The following DCAF17 variants were observed in gnomAD, a reference collection of about 807,000 sequenced individuals.
The protein encoded by DCAF17 is DDB1- and CUL4-associated factor 17.
DCAF17 carries 48 observed loss-of-function variants against 66.0 expected under a neutral mutation model. The observed-to-expected ratio is 0.73, with a 90% CI of 0.58 to 0.92. DCAF17 has a LOEUF of 0.92. Ranked by LOEUF, DCAF17 falls within the 40% of genes least tolerant of loss-of-function variation. The pLI, the probability that DCAF17 is intolerant of heterozygous loss-of-function variation, is 0.00. For synonymous variants in DCAF17, 206 were observed against 214.6 expected (o/e 0.96, Z 0.35); for missense variants, 562 against 622.8 (o/e 0.90, Z 1.04).
intron 2 of DCAF17, among the ~76,000 whole-genome samples, chr2:171,435,635 C>G (rs1248775559): frequency 6.6e-6 from 1 of 151,104 alleles, no homozygotes; most frequent in Non-Finnish European, 1.5e-5. Flanking sequence ...TCATCCACAA[C>G]TGTCCAACAT....
chr2:171,470,051 T>C (rs1696151701), intron 9 of DCAF17, among the ~76,000 whole-genome samples: 1 of 152,052 alleles, frequency 6.6e-6, no homozygotes, highest in African/African-American at 2.4e-5. Context: ...AGAGACAGAG[T>C]CTCACTCTGG....
chr2:171,434,510 G>A lies in DCAF17; in HGVS notation c.-68G>A, dbSNP rs1300223007. 1.1e-5 allele frequency: 17 copies of A among 1,523,588 alleles called. No homozygotes were observed. In the East Asian group the frequency reaches 3.7e-4, roughly 33 times the overall value. The allele number at this position is 1,523,588 out of a possible 1,614,324, so 94.4% of individuals were successfully genotyped here. A position where few individuals can be genotyped will look rare whatever the true frequency, so the allele number is the denominator to read the frequency against. On this transcript the variant is annotated 5_prime_UTR_variant, in exon 1 of 14. Transcript: ENST00000375255. ...TCGAAATTCGAAGGCAGCGGCGGCT[G>A]CCCAGCACGGGAGTGTGGGGCGCGC... is the stretch of plus-strand genomic sequence containing the variant.
chr2:171,436,462 AT>A (rs1390184951), intron 2 of DCAF17, among the ~76,000 whole-genome samples: 3 of 152,170 alleles, frequency 2.0e-5, no homozygotes, highest in African/African-American at 7.2e-5. Context: ...GAGGGTTCTG[AT>A]TTTTCCACAT....
At chr2:171,456,888 A>G (rs1024845966) in intron 6 of DCAF17, among the ~76,000 whole-genome samples, 8 of 152,206 alleles carry the variant, frequency 5.3e-5, no homozygotes, top group African/African-American at 1.7e-4. Context: ...GGATTAGACA[A>G]TGGGGTTTTC....
intron 9 of DCAF17, among the ~76,000 whole-genome samples, chr2:171,470,559 A>G (rs1288378790): frequency 6.6e-6 from 1 of 152,050 alleles, no homozygotes; most frequent in African/African-American, 2.4e-5. Flanking sequence ...GGCTGCTCCT[A>G]TTTGGCCCAG....
chr2:171,453,428 G>T (rs1394709264), intron 6 of DCAF17, among the ~76,000 whole-genome samples: 2 of 151,716 alleles, frequency 1.3e-5, no homozygotes. Context: ...GGATCATATT[G>T]GATACCTGTG....
intron 4 of DCAF17, among the ~76,000 whole-genome samples, chr2:171,449,357 ATAAACT>A (rs1486203593): frequency 6.6e-6 from 1 of 152,228 alleles, no homozygotes; most frequent in Non-Finnish European, 1.5e-5. Flanking sequence ...AATAGTTTAA[ATAAACT>A]TAAAAAAAAA....
At chr2:171,473,768 G>A (rs1052351889) in intron 9 of DCAF17, 98 bp from the exon 10 acceptor site, 91 of 927,064 alleles carry the variant, frequency 9.8e-5, no homozygotes, top group Admixed American at 1.4e-4. Flanking sequence ...TTTTTCTTCC[G>A]TGTACCTTTG....
At chr2:171,467,749 A>AC (rs1311204979) in intron 8 of DCAF17, among the ~76,000 whole-genome samples, 30 of 145,292 alleles carry the variant, frequency 2.1e-4, no homozygotes, top group East Asian at 1.0e-3. Context: ...AAAAAAAAAA[A>AC]AAAAAGTTGT....
chr2:171,475,737 T>A (rs1696468119), intron 10 of DCAF17, among the ~76,000 whole-genome samples: 1 of 152,184 alleles, frequency 6.6e-6, no homozygotes, highest in Non-Finnish European at 1.5e-5. Flanking sequence ...TACTCCAGCC[T>A]GGGTAATGGA....
intron 2 of DCAF17, among the ~76,000 whole-genome samples, chr2:171,439,476 T>C (rs542277063): frequency 5.9e-5 from 9 of 151,786 alleles, no homozygotes; most frequent in East Asian, 1.9e-4. Flanking sequence ...ATTTCTCTTA[T>C]GGTGTTTTTT....
rs1397550556 is a variant in DCAF17 at position 171,443,529 on chromosome 2, A to G, written c.237A>G (p.Ala79=). ...TATTTTTCTTTTTTCCCAGTGTTGC[A>G]TCTGAGCCAAGAAAACTTTATGAAA... The part of the protein sequence containing the change: ...DNYRRCVSSV[A]SEPRKLYEMP... The change falls in exon 3 of 14, where the codon GCA becomes GCG. Residue 79 remains alanine, a synonymous_variant. Transcript: ENST00000375255. 1.2e-6 allele frequency: 2 copies of G among 1,612,142 alleles called. No homozygotes were observed. The highest frequency in any genetic ancestry group is 3.3e-5 in the Admixed American group (2 of 60,002).
At position 171,483,452 on chromosome 2, in the gene DCAF17, T is replaced by G; in HGVS notation, c.*2338T>G. The G allele has an allele frequency of 2.2e-6, 1 of 454,144 alleles. No homozygotes were observed. Among genetic ancestry groups the G allele is most frequent in the Non-Finnish European group, 4.4e-6 (1 of 226,796 alleles). The allele number at this position is 454,144 out of a possible 1,614,324, so 28.1% of individuals were successfully genotyped here. A position where few individuals can be genotyped will look rare whatever the true frequency, so the allele number is the denominator to read the frequency against. ...CATTGCACTCCTGGATCTAAGTTTC[T>G]GCATTCTCAGAGCATCAATGCAGCA... On this transcript the variant is annotated 3_prime_UTR_variant, in exon 14 of 14. Transcript: ENST00000375255.
intron 3 of DCAF17, among the ~76,000 whole-genome samples, chr2:171,445,150 G>A (rs946148231): frequency 4.0e-5 from 6 of 149,034 alleles, no homozygotes; most frequent in Admixed American, 1.3e-4. Flanking sequence ...TTTTTGAGAC[G>A]GTCTCTCTTT....
At chr2:171,462,315 C>T (rs544389543) in intron 8 of DCAF17, among the ~76,000 whole-genome samples, 2 of 152,042 alleles carry the variant, frequency 1.3e-5, no homozygotes, top group African/African-American at 4.8e-5. Flanking sequence ...GACATAGTTA[C>T]AAATCATACT....
At position 171,453,166 on chromosome 2, in the gene DCAF17, CGA is replaced by C; in HGVS notation, c.582_583del (p.Val195SerfsTer42). ...QHVLLYLAVF[R>X]VLPFSLVGIL... ...TGTTTTGCTGTACCTTGCAGTGTTC[CGA>C]GTTCTACCTTTTTCACTTGTAGGGA... is the stretch of plus-strand genomic sequence containing the variant. On this transcript the variant is annotated frameshift_variant, in exon 6 of 14. Transcript: ENST00000375255. LOFTEE classifies it high-confidence loss of function. 2 of 1,613,040 alleles carry C rather than the reference CGA, an allele frequency of 1.2e-6. No individual in the cohort carries two copies. The highest frequency in any genetic ancestry group is 1.7e-6 in the Non-Finnish European group (2 of 1,179,522).
intron 8 of DCAF17, among the ~76,000 whole-genome samples, chr2:171,466,882 C>G (rs1043921169): frequency 1.3e-5 from 2 of 151,760 alleles, no homozygotes; most frequent in African/African-American, 4.8e-5. Flanking sequence ...TAATTTTTCT[C>G]TTCTTCATCC....
chr2:171,457,706 A>G (rs1457628509), intron 6 of DCAF17, among the ~76,000 whole-genome samples: 1 of 152,226 alleles, frequency 6.6e-6, no homozygotes, highest in African/African-American at 2.4e-5. Flanking sequence ...TGACAATGCT[A>G]TGAAGCAGAT....
At chr2:171,458,529 T>A in intron 8 of DCAF17, 52 bp downstream of exon 8, 1 of 1,335,806 alleles carries the variant, frequency 7.5e-7, no homozygotes, top group South Asian at 1.2e-5. Context: ...AGTGGTCATA[T>A]AAATAGTTAT....
Sources: gnomAD v4.1 joint callset for allele counts (sites outside exome capture counted in the v4.1 genomes callset) on GRCh38, gnomAD v4.1.1 for gene constraint, MANE v1.5 for transcripts, NCBI Gene and HGNC (gene_info 2026-07-23, HGNC 2026-07-21) for gene names.